The following RGS9 variants were observed in gnomAD, a reference collection of about 807,000 sequenced individuals.
The protein encoded by RGS9 is regulator of G protein signaling 9.
A neutral mutation model predicts 102.0 loss-of-function variants in RGS9; 78 were observed. The observed-to-expected ratio is 0.76, with a 90% confidence interval of 0.64 to 0.92. The LOEUF (loss-of-function observed/expected upper bound fraction) is 0.92. Ranked by LOEUF, RGS9 falls within the 40% of genes least tolerant of loss-of-function variation. The pLI is 0.00. For missense variants in RGS9, 833 were observed against 866.1 expected (o/e 0.96, Z 0.48); for synonymous variants, 353 against 318.6 (o/e 1.11, Z -1.15).
In RGS9 at chr17:65,143,137, T is replaced by C. The variant is rs115914387; in HGVS notation, c.57+5540T>C. Among the ~76,000 whole-genome samples the C allele has an allele frequency of 6.4e-3, 971 of 152,224 alleles. 11 individuals are homozygous for C. The highest frequency in any genetic ancestry group is 0.022 in the African/African-American group (903 of 41,530). On this transcript the variant is annotated intron_variant, in intron 1 of 18. Transcript: ENST00000262406. ...GAGAGCCTCTGGGGACATTTGGCAATGTCTAAATACATTTTAGGTTGTCAT... is the reference window on the plus strand; with the variant it reads ...GAGAGCCTCTGGGGACATTTGGCAACGTCTAAATACATTTTAGGTTGTCAT...
intron 11 of RGS9, among the ~76,000 whole-genome samples, chr17:65,191,433 G>A (rs990473103): frequency 2.0e-5 from 3 of 151,660 alleles, no homozygotes; most frequent in African/African-American, 4.9e-5. Context: ...GTCTGGGCCC[G>A]TCGAGGTGCC....
chr17:65,200,383 T>C (rs1912784328), intron 13 of RGS9, among the ~76,000 whole-genome samples: 1 of 152,240 alleles, frequency 6.6e-6, no homozygotes, highest in Non-Finnish European at 1.5e-5. Context: ...GTCTTCACCA[T>C]ATTTTGTTCA....
At chr17:65,171,857 G>A (rs1911433216) in intron 8 of RGS9, among the ~76,000 whole-genome samples, 1 of 152,250 alleles carries the variant, frequency 6.6e-6, no homozygotes, top group Admixed American at 6.5e-5. Context: ...TGAACAAAGG[G>A]AGAAAGTGCT....
At chr17:65,203,776 G>C (rs2144095772) in intron 14 of RGS9, among the ~76,000 whole-genome samples, 1 of 152,228 alleles carries the variant, frequency 6.6e-6, no homozygotes, top group Non-Finnish European at 1.5e-5. Flanking sequence ...GAGACCCCCA[G>C]AACACCTGTG....
At chr17:65,145,566 A>T (rs1985843) in intron 1 of RGS9, among the ~76,000 whole-genome samples, 87,775 of 118,078 alleles carry the variant, frequency 0.74, 30,487 homozygotes, top group East Asian at 0.88. Flanking sequence ...TTTTTTTTTA[A>T]TATATTTTTA....
chr17:65,203,888 C>T (rs1038954010), intron 14 of RGS9, among the ~76,000 whole-genome samples: 3 of 152,172 alleles, frequency 2.0e-5, no homozygotes, highest in South Asian at 4.1e-4. Context: ...GGACCTAATC[C>T]GACCTGGGCC....
At chr17:65,192,938 G>A (rs1308687447) in intron 11 of RGS9, among the ~76,000 whole-genome samples, 1 of 151,930 alleles carries the variant, frequency 6.6e-6, no homozygotes, top group Non-Finnish European at 1.5e-5. Context: ...AAAACCTATT[G>A]ATAAAATATA....
intron 8 of RGS9, among the ~76,000 whole-genome samples, chr17:65,172,563 T>TA (rs995948246): frequency 2.0e-5 from 3 of 151,948 alleles, no homozygotes; most frequent in African/African-American, 4.8e-5. Flanking sequence ...AAATAAAAAA[T>TA]AAAAAAAATT....
chr17:65,158,246 ATG>A, intron 2 of RGS9, 47 bp from the exon 3 acceptor site: 1 of 1,552,948 alleles, frequency 6.4e-7, no homozygotes, highest in Non-Finnish European at 8.9e-7. Flanking sequence ...AGGAGCGGGG[ATG>A]TGTCAGGAGG....
At chr17:65,217,920 T>A (rs1453338575) in intron 17 of RGS9, among the ~76,000 whole-genome samples, 1 of 152,106 alleles carries the variant, frequency 6.6e-6, no homozygotes, top group Non-Finnish European at 1.5e-5. Context: ...TAGGGAATAT[T>A]TGAGGCATTT....
In RGS9 at chr17:65,206,756, C is replaced by G. The variant is rs150202593; in HGVS notation, c.1204-1166C>G. ...AGGGGATGCCCAGGGAGGCCAGTTA[C>G]TAGCCAGAATGGAACAGTCATTGGT... is the stretch of plus-strand genomic sequence containing the variant. On this transcript the variant is annotated intron_variant, in intron 15 of 18. Coordinates refer to ENST00000262406, the MANE Select transcript of RGS9 (RefSeq NM_003835.4). Among the ~76,000 whole-genome samples, 709 of 152,288 alleles carry G rather than the reference C, an allele frequency of 4.7e-3. 3 individuals carry two copies. The highest frequency in any genetic ancestry group is 0.016 in the South Asian group (79 of 4,822).
rs73347680 is a variant in RGS9 at position 65,207,335 on chromosome 17, A to G, written c.1204-587A>G. 8.8e-3 allele frequency among the ~76,000 whole-genome samples: 1,334 copies of G among 152,328 alleles called. 11 individuals carry two copies. Among genetic ancestry groups the G allele is most frequent in the African/African-American group, 0.03 (1,255 of 41,562 alleles). ...GGTGGATCTTCATGTGTAGGGTTAC[A>G]GACTGTAATTCTCAAACTTAAAGGT... On this transcript the variant is annotated intron_variant, in intron 15 of 18. Transcript: ENST00000262406.
intron 9 of RGS9, among the ~76,000 whole-genome samples, chr17:65,181,823 A>T (rs749327831): frequency 1.4e-4 from 21 of 152,226 alleles, no homozygotes; most frequent in Non-Finnish European, 1.9e-4. Flanking sequence ...TAGTTCCTTC[A>T]TCAGAGGATT....
intron 1 of RGS9, 118 bp downstream of exon 1, chr17:65,137,715 C>A: frequency 1.2e-6 from 1 of 850,604 alleles, no homozygotes; most frequent in South Asian, 1.4e-5. Context: ...TTGTGCTGCT[C>A]GATTTTATTA....
chr17:65,137,405 GC>G lies in RGS9; in HGVS notation c.-133del, dbSNP rs954869820. On this transcript the variant is annotated 5_prime_UTR_variant, in exon 1 of 19. Coordinates refer to ENST00000262406, the MANE Select transcript of RGS9 (RefSeq NM_003835.4). ...GCCTAGTGAGAGTCAGGGGGGCCCG[GC>G]CCGCGCCCTCCCCGCCCAGCCGCCT... The G allele has an allele frequency of 1.2e-6, 1 of 834,168 alleles. No individual in the cohort carries two copies. Among genetic ancestry groups the G allele is most frequent in the African/African-American group, 1.7e-5 (1 of 59,758 alleles). 51.7% of individuals were successfully genotyped at this position (834,168 alleles called of 1,614,324 possible).
At chr17:65,185,785 C>T (rs561669429) in intron 9 of RGS9, among the ~76,000 whole-genome samples, 2 of 152,214 alleles carry the variant, frequency 1.3e-5, no homozygotes, top group Admixed American at 1.3e-4. Context: ...AATTGTAAAC[C>T]CCCGAAGACT....
intron 17 of RGS9, among the ~76,000 whole-genome samples, chr17:65,215,485 TTTCGTTCTTTCG>T (rs761895023): frequency 0.024 from 3,017 of 125,136 alleles, 48 homozygotes; most frequent in African/African-American, 0.048. Flanking sequence ...TCTATCTTTC[TTTCGTTCTTTCG>T]TTCTTTCTTT....
At chr17:65,217,087 C>T (rs766996084) in intron 17 of RGS9, among the ~76,000 whole-genome samples, 11 of 152,040 alleles carry the variant, frequency 7.2e-5, no homozygotes, top group Non-Finnish European at 1.5e-4. Context: ...GCTGTTAGGA[C>T]GCCTCCCTGA....
At chr17:65,149,075 C>T (rs1366003530) in intron 1 of RGS9, among the ~76,000 whole-genome samples, 1 of 152,026 alleles carries the variant, frequency 6.6e-6, no homozygotes, top group Non-Finnish European at 1.5e-5. Context: ...GATTTTCCTG[C>T]CTCAGCCTCC....
Sources: allele counts gnomAD v4.1 joint callset (sites outside exome capture counted in the v4.1 genomes callset), GRCh38; gene constraint gnomAD v4.1.1; transcripts MANE v1.5; gene names NCBI Gene and HGNC (gene_info 2026-07-23, HGNC 2026-07-21).